PLEKHH3: variants seen among roughly 807,000 people sequenced by gnomAD.
PLEKHH3 encodes pleckstrin homology, MyTH4 and FERM domain containing H3.
In PLEKHH3, 57 loss-of-function variants were observed where a neutral mutation model predicts 77.8. The observed-to-expected ratio is 0.73, with a 90% CI of 0.59 to 0.91. PLEKHH3 has a LOEUF of 0.91. Ranked by LOEUF, PLEKHH3 falls within the 40% of genes least tolerant of loss-of-function variation. PLEKHH3 has a pLI of 0.00. For missense variants in PLEKHH3, 1,082 were observed against 1,091.2 expected, an observed-to-expected ratio of 0.99 and a Z score of 0.12; for synonymous variants, 467 against 504.8, an observed-to-expected ratio of 0.93 and a Z score of 1.00.
rs538741522 is a variant in PLEKHH3 at position 42,670,728 on chromosome 17, G to C, written c.1422-23C>G. On this transcript the variant is annotated intron_variant, in intron 9 of 12. Transcript: ENST00000591022. ...AAGCTGCAGAAGAGGAGCGGACGAA[G>C]CGCTAGGGAGAAGCCGGACCCCTAC... 104 of 1,603,650 alleles carry C rather than the reference G, an allele frequency of 6.5e-5. No individual in the cohort carries two copies. The South Asian group carries it at 1.0e-3, about 16-fold the overall frequency.
intron 1 of PLEKHH3, chr17:42,675,838 G>A: frequency 1.0e-6 from 1 of 983,652 alleles, no homozygotes; most frequent in South Asian, 4.7e-5. Context: ...CCTCACCCGG[G>A]AAAGCCGAGA....
Position 42,668,257 on chromosome 17 carries a change from G to A in PLEKHH3, c.2252C>T (p.Ser751Phe). 1.3e-6 allele frequency: 2 copies of A among 1,559,606 alleles called. No individual in the cohort carries two copies. The highest frequency in any genetic ancestry group is 1.7e-6 in the Non-Finnish European group (2 of 1,160,004). ...AGAGCTGCTGCAGGGCCTCTCGGGG[G>A]AGGGGTTGGCCAAGTAGGCATTCAC... is the stretch of plus-strand genomic sequence containing the variant. ...QLVNAYLANP[S>F]PERPCSSSSP... is the part of the protein sequence containing the mutation. Residue 751 changes from serine to phenylalanine, a missense_variant, in exon 13 of 13, where the codon TCC (serine) becomes TTC (phenylalanine). Physicochemically the swap from Ser to Phe is radical, Grantham distance 155. This residue lies in a region of PLEKHH3 where 733 missense variants were observed against 750.0 expected (regional missense o/e 0.98). Transcript: ENST00000591022.
At position 42,670,389 on chromosome 17, in the gene PLEKHH3, C is replaced by T; in HGVS notation, c.1555-13G>A. On this transcript the variant is annotated splice_polypyrimidine_tract_variant and intron_variant, in intron 10 of 12. Transcript: ENST00000591022. ...GCAGAGCGTGAGCCTGCAGGGGAGG[C>T]ACCCGGCGTCAGTGTACGAGCGGCG... 6.9e-7 allele frequency: 1 copy of T among 1,443,146 alleles called. No individual in the cohort carries two copies. Among genetic ancestry groups the T allele is most frequent in the Non-Finnish European group, 9.0e-7 (1 of 1,106,374 alleles). 89.4% of individuals were successfully genotyped at this position (1,443,146 alleles called of 1,614,324 possible). A position where few individuals can be genotyped will look rare whatever the true frequency, so the allele number is the denominator to read the frequency against.
chr17:42,674,087 C>G, intron 2 of PLEKHH3, 74 bp from the exon 3 acceptor site: 1 of 1,467,338 alleles, frequency 6.8e-7, no homozygotes, highest in Non-Finnish European at 9.4e-7. Context: ...CTCCCCAGAC[C>G]GCACGGGTGT....
At position 42,672,112 on chromosome 17, in the gene PLEKHH3, C is replaced by T; in HGVS notation, c.1050G>A (p.Arg350=). ...SCTFRPGGAV[R]GHLLGHLERT... ...TCTCCAAGTGCCCCAGGAGGTGCCC[C>T]CGCACAGCTCCCCCAGGTCGGAAGG... is the stretch of plus-strand genomic sequence containing the variant. The change falls in exon 7 of 13, where the codon CGG becomes CGA. Residue 350 remains arginine, a synonymous_variant. Coordinates refer to ENST00000591022, the MANE Select transcript of PLEKHH3 (RefSeq NM_024927.5). The T allele has an allele frequency of 2.0e-6, 3 of 1,512,696 alleles. No individual in the cohort carries two copies. Among genetic ancestry groups the T allele is most frequent in the Non-Finnish European group, 2.7e-6 (3 of 1,124,072 alleles). The allele number at this position is 1,512,696 out of a possible 1,614,324, so 93.7% of individuals were successfully genotyped here.
chr17:42,674,078 TC>T, intron 2 of PLEKHH3, 65 bp from the exon 3 acceptor site: 1 of 1,505,334 alleles, frequency 6.6e-7, no homozygotes, highest in Non-Finnish European at 9.1e-7. Flanking sequence ...CTGTAGGGGC[TC>T]CCCAGACCGC....
At position 42,673,927 on chromosome 17, in the gene PLEKHH3, T is replaced by C. The variant is rs1396760988; in HGVS notation, c.298+7A>G. Reference sequence around the variant, plus strand: ...GGCCTCCAGAGTGCACTGAGGGGGGTCTCTACCTTTCACAACGATGTCCGG... The same window carrying C: ...GGCCTCCAGAGTGCACTGAGGGGGGCCTCTACCTTTCACAACGATGTCCGG... On this transcript the variant is annotated splice_region_variant and intron_variant, in intron 3 of 12. Transcript: ENST00000591022. The C allele has an allele frequency of 6.2e-7, 1 of 1,611,428 alleles. No individual in the cohort carries two copies. The highest frequency in any genetic ancestry group is 1.7e-5 in the Admixed American group (1 of 59,848).
rs762595160 is a variant in PLEKHH3, at chr17:42,671,032, C to T, written c.1383G>A (p.Gly461=). 6 of 1,611,114 alleles carry T rather than the reference C, an allele frequency of 3.7e-6. No individual in the cohort carries two copies. In the South Asian group the frequency reaches 5.5e-5, roughly 15 times the overall value. Residue 461 remains glycine, a synonymous_variant, in exon 9 of 13, where the codon GGG becomes GGA. Coordinates refer to ENST00000591022, the MANE Select transcript of PLEKHH3 (RefSeq NM_024927.5). This position sits in a 1 kb window ranked among gnomAD's most constrained non-coding sequence, Gnocchi z 4.7. ...TGAGCACGTCGGCCACGAGGGTCCC[C>T]CCAGCCAGGGCTCGCTCCTGGGCCC... ...QRGAQERALA[G]GTLVADVLTR...
chr17:42,674,167 A>T (rs1421641670), intron 2 of PLEKHH3, among the ~76,000 whole-genome samples, 154 bp from the exon 3 acceptor site: 2 of 152,042 alleles, frequency 1.3e-5, no homozygotes, highest in Non-Finnish European at 2.9e-5. Context: ...TCGAACCAGA[A>T]ATAGCCCCGA....
In PLEKHH3 at chr17:42,673,851, G is replaced by A; in HGVS notation, c.299-17C>T. ...ACAGCCAACCTGGGGGCCGGAGAGGGAGGGAAGGGACATCAGTAGAGACAT... is the reference window on the plus strand; with the variant it reads ...ACAGCCAACCTGGGGGCCGGAGAGGAAGGGAAGGGACATCAGTAGAGACAT... On this transcript the variant is annotated splice_polypyrimidine_tract_variant and intron_variant, in intron 3 of 12. Transcript: ENST00000591022. The A allele has an allele frequency of 3.1e-6, 5 of 1,604,222 alleles. No homozygotes were observed. The highest frequency in any genetic ancestry group is 4.2e-6 in the Non-Finnish European group (5 of 1,177,692).
At chr17:42,675,701 A>G (rs1172734815) in intron 1 of PLEKHH3, among the ~76,000 whole-genome samples, 5 of 152,080 alleles carry the variant, frequency 3.3e-5, no homozygotes, top group Non-Finnish European at 4.4e-5. Flanking sequence ...GGGATGGGGG[A>G]GGAGACGTCA....
In PLEKHH3 at chr17:42,670,021, A is replaced by G. The variant is rs1010818256; in HGVS notation, c.1910T>C (p.Leu637Pro). The G allele has an allele frequency of 6.3e-6, 10 of 1,575,782 alleles. No individual in the cohort carries two copies. The highest frequency in any genetic ancestry group is 2.3e-5 in the South Asian group (2 of 86,938). The change falls in exon 11 of 13, where the codon CTA (leucine) becomes CCA (proline). Residue 637 changes from leucine to proline, a missense_variant. Transcript: ENST00000591022. Reference protein sequence around the residue: ...AAAVLGGWKRLRGMGRAEAMA... With the variant: ...AAAVLGGWKRPRGMGRAEAMA... The stretch of plus-strand genomic sequence containing the variant: ...GGCCTCAGCTCGGCCCATGCCCCGT[A>G]GCCGCTTCCAGCCGCCCAGCACGGC...
chr17:42,670,355 C>A lies in PLEKHH3; in HGVS notation c.1576G>T (p.Gly526Cys), dbSNP rs577922351. The part of the protein sequence containing the change: ...FEQAHALLLR[G>C]RPPPPDDTLR... Reference sequence around the variant, plus strand: ...GTGTCGTCGGGTGGGGGCGGCCGGCCCCGCAGCAGCAGAGCGTGAGCCTGC... The same window carrying A: ...GTGTCGTCGGGTGGGGGCGGCCGGCACCGCAGCAGCAGAGCGTGAGCCTGC... Residue 526 changes from glycine (G) to cysteine (C), a missense_variant, in exon 11 of 13, where the codon GGC (glycine) becomes TGC (cysteine). Around this residue, in one of 3 missense-constraint regions of PLEKHH3, gnomAD observed 733 missense variants for 750.0 expected, o/e 0.98. Coordinates refer to ENST00000591022, the MANE Select transcript of PLEKHH3 (RefSeq NM_024927.5). The A allele has an allele frequency of 3.6e-6, 5 of 1,406,454 alleles. No homozygotes were observed. Among genetic ancestry groups the A allele is most frequent in the Non-Finnish European group, 4.6e-6 (5 of 1,089,938 alleles). 87.1% of individuals were successfully genotyped at this position (1,406,454 alleles called of 1,614,324 possible).
chr17:42,673,697 C>T lies in PLEKHH3; in HGVS notation c.436G>A (p.Val146Met). 4 of 1,601,754 alleles carry T rather than the reference C, an allele frequency of 2.5e-6. No homozygotes were observed. The highest frequency in any genetic ancestry group is 1.3e-5 in the African/African-American group (1 of 75,014). Residue 146 changes from valine (V) to methionine (M), a missense_variant, in exon 4 of 13, where the codon GTG (valine) becomes ATG (methionine). Physicochemically the swap from Val to Met is conservative, Grantham distance 21 (BLOSUM62 1). Transcript: ENST00000591022. ...GKGARRLGSL[V>M]LTSLCSVTGP... Reference sequence around the variant, plus strand: ...GTCACCGAGCACAGGCTGGTGAGCACGAGGCTCCCGAGACGCCGCGCCCCT... The same window carrying T: ...GTCACCGAGCACAGGCTGGTGAGCATGAGGCTCCCGAGACGCCGCGCCCCT...
chr17:42,675,203 G>A (rs1180465537), intron 1 of PLEKHH3, among the ~76,000 whole-genome samples: 2 of 152,124 alleles, frequency 1.3e-5, no homozygotes, highest in African/African-American at 2.4e-5. Context: ...GGCGGGAACC[G>A]TGCCATCCTC....
intron 1 of PLEKHH3, chr17:42,674,921 C>T (rs1274991324): frequency 1.9e-5 from 3 of 154,850 alleles, no homozygotes; most frequent in Non-Finnish European, 4.3e-5. Flanking sequence ...GAATGAAGGG[C>T]AGAGGGACCC....
rs773446619 is a variant in PLEKHH3, at chr17:42,671,497, G to C, written c.1138C>G (p.Leu380Val). The C allele has an allele frequency of 9.9e-6, 16 of 1,612,976 alleles. No homozygotes were observed. The highest frequency in any genetic ancestry group is 1.0e-5 in the Non-Finnish European group (12 of 1,179,992). The part of the protein sequence containing the change: ...AEYARFIRKA[L>V]GRTRGRELVP... ...AGCTCTCTGCCGCGCGTCCGGCCCA[G>C]CGCTTTCCGGATGAAGCGCGCATAT... is the stretch of plus-strand genomic sequence containing the variant. Residue 380 changes from leucine to valine, a missense_variant, in exon 8 of 13, where the codon CTG becomes GTG. Physicochemically the swap from Leu to Val is conservative, Grantham distance 32 (BLOSUM62 1). Coordinates refer to ENST00000591022, the MANE Select transcript of PLEKHH3 (RefSeq NM_024927.5). The surrounding 1 kb of genome is among the most constrained non-coding windows in gnomAD (Gnocchi z 4.7).
Position 42,674,062 on chromosome 17 carries a change from G to A in PLEKHH3, c.219-49C>T. On this transcript the variant is annotated intron_variant, in intron 2 of 12. Coordinates refer to ENST00000591022, the MANE Select transcript of PLEKHH3 (RefSeq NM_024927.5). ...TGGGTCTCCACTCTGCCTCTAGGGGGCTCCTCTGTAGGGGCTCCCCAGACC... is the reference window on the plus strand; with the variant it reads ...TGGGTCTCCACTCTGCCTCTAGGGGACTCCTCTGTAGGGGCTCCCCAGACC... 3 of 1,586,348 alleles carry A rather than the reference G, an allele frequency of 1.9e-6. No individual in the cohort carries two copies. The African/African-American group carries it at 4.0e-5, about 21-fold the overall frequency.
rs2052736402 is a variant in PLEKHH3, at chr17:42,673,052, TC to T, written c.769+123del. 3 of 1,318,740 alleles carry T rather than the reference TC, an allele frequency of 2.3e-6. No individual in the cohort carries two copies. In the South Asian group the frequency reaches 5.7e-5, roughly 25 times the overall value. The allele number at this position is 1,318,740 out of a possible 1,614,324, so 81.7% of individuals were successfully genotyped here. ...CAGCTTCCAGTTTCACCTTCATCCT[TC>T]GAAAAGTGAGGAGCTGGCAGGTCCA... On this transcript the variant is annotated intron_variant, in intron 6 of 12. Coordinates refer to ENST00000591022, the MANE Select transcript of PLEKHH3 (RefSeq NM_024927.5).
Sources: allele counts gnomAD v4.1 joint callset (sites outside exome capture counted in the v4.1 genomes callset), GRCh38; gene constraint gnomAD v4.1.1; regional missense constraint gnomAD v4.1.1; non-coding constraint Gnocchi (gnomAD v3.1); transcripts MANE v1.5; gene names NCBI Gene and HGNC (gene_info 2026-07-23, HGNC 2026-07-21).